The following TFPI variants were observed in gnomAD, a reference collection of about 807,000 sequenced individuals.
TFPI encodes tissue factor pathway inhibitor, also known as anti-convertin.
TFPI carries 15 observed loss-of-function variants against 34.6 expected under a neutral mutation model. That is an observed-to-expected ratio of 0.43 (90% CI 0.29 to 0.67). The LOEUF is 0.67. Ranked by LOEUF, TFPI falls within the 30% of genes least tolerant of loss-of-function variation. The pLI is 0.15. For missense variants in TFPI, 301 were observed against 364.0 expected (o/e 0.83, Z 1.41); for synonymous variants, 105 against 120.1 (o/e 0.87, Z 0.82).
chr2:187,497,889 CTG>C (rs1685592986), intron 2 of TFPI, among the ~76,000 whole-genome samples: 1 of 151,630 alleles, frequency 6.6e-6, no homozygotes, highest in South Asian at 2.1e-4. Flanking sequence ...AAGATAGACA[CTG>C]AAAATTGTGG....
At chr2:187,491,991 A>G (rs1685152627) in intron 3 of TFPI, among the ~76,000 whole-genome samples, 1 of 151,996 alleles carries the variant, frequency 6.6e-6, no homozygotes, top group Admixed American at 6.6e-5. Context: ...TTGGTTGTGT[A>G]TATGTTTCTT....
At chr2:187,472,637 GTTATATGAAATATCAT>G (rs767897940) in intron 6 of TFPI, among the ~76,000 whole-genome samples, 39 of 152,158 alleles carry the variant, frequency 2.6e-4, no homozygotes, top group Non-Finnish European at 5.4e-4. Context: ...CTTGCCAAAT[GTTATATGAAATATCAT>G]TTATATGAAA....
chr2:187,482,347 A>T (rs8176615), intron 6 of TFPI, among the ~76,000 whole-genome samples: 9,371 of 152,144 alleles, frequency 0.062, 584 homozygotes, highest in Admixed American at 0.19. Context: ...TGAAAATATA[A>T]TAACTGAATA....
intron 1 of TFPI, among the ~76,000 whole-genome samples, chr2:187,524,937 G>A (rs1036576118): frequency 1.3e-5 from 2 of 151,500 alleles, no homozygotes; most frequent in African/African-American, 4.9e-5. Context: ...AAAGAAAGGT[G>A]GGCTTAGAAA....
chr2:187,494,763 G>A (rs1685356991), intron 3 of TFPI, among the ~76,000 whole-genome samples: 1 of 151,804 alleles, frequency 6.6e-6, no homozygotes, highest in Non-Finnish European at 1.5e-5. Flanking sequence ...TTCCTCTGTT[G>A]CACAGCTAGA....
intron 6 of TFPI, among the ~76,000 whole-genome samples, chr2:187,468,463 G>A (rs1428531264): frequency 6.6e-6 from 1 of 152,128 alleles, no homozygotes; most frequent in East Asian, 1.9e-4. Flanking sequence ...AGTTTAAAGT[G>A]GAGGAATTCA....
intron 1 of TFPI, among the ~76,000 whole-genome samples, chr2:187,521,809 C>T (rs577246478): frequency 1.3e-5 from 2 of 152,204 alleles, no homozygotes; most frequent in Middle Eastern, 6.8e-3. Context: ...CCTCATGATC[C>T]ACCTGCCTCT....
chr2:187,514,671 G>C (rs1686872487), intron 1 of TFPI: 1 of 152,224 alleles, frequency 6.6e-6, no homozygotes, highest in South Asian at 2.1e-4. Flanking sequence ...CAAATAACTG[G>C]AGTGGCATTT....
At chr2:187,491,315 C>A (rs1685110149) in intron 3 of TFPI, among the ~76,000 whole-genome samples, 1 of 151,850 alleles carries the variant, frequency 6.6e-6, no homozygotes, top group Admixed American at 6.6e-5. Flanking sequence ...CCATTGTACC[C>A]ATTAGATAGT....
chr2:187,488,408 T>A, intron 3 of TFPI, 33 bp from the exon 4 acceptor site: 1 of 1,363,626 alleles, frequency 7.3e-7, no homozygotes, highest in Non-Finnish European at 9.9e-7. Flanking sequence ...ATATCAATTG[T>A]CACAATTTAT....
intron 5 of TFPI, 183 bp downstream of exon 5, chr2:187,484,628 A>G: frequency 1.8e-6 from 1 of 540,682 alleles, no homozygotes. Context: ...ATCTATGAAA[A>G]TAATTTCTTA....
At chr2:187,535,750 G>C (rs1688214616) in intron 1 of TFPI, among the ~76,000 whole-genome samples, 1 of 152,096 alleles carries the variant, frequency 6.6e-6, no homozygotes, top group African/African-American at 2.4e-5. Context: ...AGAAAAGAGG[G>C]AGATAGAGAC....
chr2:187,534,618 A>G (rs1470341269), intron 1 of TFPI, among the ~76,000 whole-genome samples: 1 of 152,134 alleles, frequency 6.6e-6, no homozygotes, highest in African/African-American at 2.4e-5. Context: ...CAAAAACATA[A>G]CAGATTGTAA....
At chr2:187,499,063 AT>A (rs2106097030) in intron 2 of TFPI, among the ~76,000 whole-genome samples, 1 of 152,098 alleles carries the variant, frequency 6.6e-6, no homozygotes, top group Non-Finnish European at 1.5e-5. Context: ...TATACAAATA[AT>A]TGTATCAAAG....
chr2:187,483,360 C>T lies in TFPI; in HGVS notation c.628+764G>A, dbSNP rs143073425. Among the ~76,000 whole-genome samples, 699 of 152,008 alleles carry T rather than the reference C, an allele frequency of 4.6e-3. 5 individuals are homozygous for T. Among genetic ancestry groups the T allele is most frequent in the Non-Finnish European group, 8.2e-3 (555 of 67,898 alleles). ...ATAAACATGCCAAGTTTACCTTTGA[C>T]ATGTTCACATGGACTACTTCTAAAC... is the stretch of plus-strand genomic sequence containing the variant. On this transcript the variant is annotated intron_variant, in intron 6 of 7. Coordinates refer to ENST00000233156, the MANE Select transcript of TFPI (RefSeq NM_006287.6).
At chr2:187,484,598 T>C (rs1374199125) in intron 5 of TFPI, 1 of 511,500 alleles carries the variant, frequency 2.0e-6, no homozygotes, top group African/African-American at 2.0e-5. Flanking sequence ...AATTAAATAA[T>C]GCAACATAAA....
intron 6 of TFPI, among the ~76,000 whole-genome samples, chr2:187,469,594 TTG>T (rs1691914259): frequency 6.6e-6 from 1 of 152,126 alleles, no homozygotes; most frequent in Non-Finnish European, 1.5e-5. Flanking sequence ...AGTTACATTT[TTG>T]TGTGTGTGAC....
chr2:187,511,143 C>T (rs774256379), intron 1 of TFPI, among the ~76,000 whole-genome samples: 7 of 152,152 alleles, frequency 4.6e-5, no homozygotes, highest in Non-Finnish European at 5.9e-5. Flanking sequence ...ACGGCAGGCC[C>T]CCGCAGAGGG....
At chr2:187,544,809 T>G (rs1174047578) in intron 1 of TFPI, among the ~76,000 whole-genome samples, 3 of 152,170 alleles carry the variant, frequency 2.0e-5, no homozygotes, top group Non-Finnish European at 4.4e-5. Flanking sequence ...ATCTCACTGA[T>G]AAGAAAAAAT....
Sources: gnomAD v4.1 joint callset for allele counts (sites outside exome capture counted in the v4.1 genomes callset) on GRCh38, gnomAD v4.1.1 for gene constraint, MANE v1.5 for transcripts, NCBI Gene and HGNC (gene_info 2026-07-23, HGNC 2026-07-21) for gene names.